Variants in GRIK5 observed in about 807,000 individuals in gnomAD.
The protein encoded by GRIK5 is glutamate receptor ionotropic, kainate 5.
GRIK5 carries 43 observed loss-of-function variants against 97.4 expected under a neutral mutation model. The ratio of observed to expected loss-of-function variants is 0.44; its 90% CI spans 0.35 to 0.57. The LOEUF is 0.57. Among genes scored for constraint, GRIK5 ranks in the 20% least tolerant of loss-of-function variants. The pLI, the probability that GRIK5 is intolerant of heterozygous loss-of-function variation, is 0.01. For synonymous variants in GRIK5, 580 were observed against 583.5 expected (o/e 0.99, Z 0.09); for missense variants, 1,015 against 1,382.0 (o/e 0.73, Z 4.21).
Position 42,022,693 on chromosome 19 carries a change from A to C in GRIK5, c.1474-339T>G, listed in dbSNP as rs1481908519. 1.0e-6 allele frequency: 1 copy of C among 983,230 alleles called. No individual in the cohort carries two copies. Among genetic ancestry groups the C allele is most frequent in the African/African-American group, 1.8e-5 (1 of 57,048 alleles). The allele number at this position is 983,230 out of a possible 1,614,324, so 60.9% of individuals were successfully genotyped here. ...TCTCCCTAGGGCCATAAAAGAGCCA[A>C]GGTCCTGAAGGGGCTGAGACTGACA... On this transcript the variant is annotated intron_variant, in intron 12 of 19. Transcript: ENST00000593562. The surrounding 1 kb of genome is among the most constrained non-coding windows in gnomAD (Gnocchi z 4.2).
At position 42,021,319 on chromosome 19, in the gene GRIK5, C is replaced by T. The variant is rs764844612; in HGVS notation, c.1853G>A (p.Arg618His). 6 of 1,612,762 alleles carry T rather than the reference C, an allele frequency of 3.7e-6. No individual in the cohort carries two copies. The highest frequency in any genetic ancestry group is 1.1e-5 in the South Asian group (1 of 90,976). ...TTCTCACCAGACTCCGCTGACACAGCGCGTGGACAGCGCCCGGGGCATGAT... is the reference window on the plus strand; with the variant it reads ...TTCTCACCAGACTCCGCTGACACAGTGCGTGGACAGCGCCCGGGGCATGAT... ...SEIMPRALST[R>H]CVSGVWWAFT... is the part of the protein sequence containing the mutation. The change falls in exon 15 of 20, where the codon CGC (arginine) becomes CAC (histidine). Residue 618 changes from arginine (R) to histidine (H), a missense_variant. Physicochemically the swap from Arg to His is conservative, Grantham distance 29 (BLOSUM62 0). Transcript: ENST00000593562. This position sits in a 1 kb window ranked among gnomAD's most constrained non-coding sequence, Gnocchi z 4.2.
At chr19:42,016,401 A>G (rs2146037735) in intron 15 of GRIK5, among the ~76,000 whole-genome samples, 1 of 152,344 alleles carries the variant, frequency 6.6e-6, no homozygotes, top group South Asian at 2.1e-4. Flanking sequence ...AGCCTGGGCA[A>G]CAAGAGCAAA....
intron 11 of GRIK5, among the ~76,000 whole-genome samples, chr19:42,052,970 T>C (rs2076136053): frequency 6.6e-6 from 1 of 152,140 alleles, no homozygotes; most frequent in Non-Finnish European, 1.5e-5. Context: ...GAATGACGCT[T>C]GGAAAGGGCC....
At chr19:42,045,624 C>A (rs1052448258) in intron 11 of GRIK5, among the ~76,000 whole-genome samples, 1 of 152,194 alleles carries the variant, frequency 6.6e-6, no homozygotes, top group Non-Finnish European at 1.5e-5. Context: ...CAGAGCCCTA[C>A]AGCTACAGGG....
chr19:42,002,390 G>T lies in GRIK5; in HGVS notation c.2514+942C>A. 1.4e-6 allele frequency: 1 copy of T among 717,656 alleles called. No individual in the cohort carries two copies. Among genetic ancestry groups the T allele is most frequent in the Non-Finnish European group, 2.6e-6 (1 of 385,104 alleles). The allele number at this position is 717,656 out of a possible 1,614,324, so 44.5% of individuals were successfully genotyped here. On this transcript the variant is annotated intron_variant, in intron 19 of 19. Transcript: ENST00000593562. This position sits in a 1 kb window ranked among gnomAD's most constrained non-coding sequence, Gnocchi z 5.2. ...CAATAAAGAGAGGACAACTGATGCT[G>T]CAGGAGGAAAGGACAGACTTGCCGG...
intron 12 of GRIK5, among the ~76,000 whole-genome samples, chr19:42,033,811 G>C (rs942232521): frequency 7.9e-5 from 12 of 152,238 alleles, no homozygotes; most frequent in Non-Finnish European, 7.4e-5. Context: ...GACCAGCATG[G>C]AAACAAGGCA....
chr19:42,054,463 C>T lies in GRIK5; in HGVS notation c.913G>A (p.Ala305Thr), dbSNP rs150541596. 9 of 1,612,768 alleles carry T rather than the reference C, an allele frequency of 5.6e-6. No homozygotes were observed. In the East Asian group the frequency reaches 1.1e-4, roughly 20 times the overall value. ...ACGTGCACGGCGTCAAACATCAGGG[C>T]GGCTGACAGCTGCGGTGGGACAGAG... ...STYLGPALSA[A>T]LMFDAVHVVV... is the part of the protein sequence containing the mutation. Residue 305 changes from alanine to threonine, a missense_variant, in exon 9 of 20, where the codon GCC becomes ACC. Physicochemically the swap from Ala to Thr is moderately conservative, Grantham distance 58. Coordinates refer to ENST00000593562, the MANE Select transcript of GRIK5 (RefSeq NM_002088.5).
intron 15 of GRIK5, among the ~76,000 whole-genome samples, chr19:42,011,021 G>A (rs1354053189): frequency 1.3e-5 from 2 of 151,692 alleles, no homozygotes; most frequent in Non-Finnish European, 2.9e-5. Context: ...TGGCCAGGCT[G>A]GTGTTGGACG....
At chr19:42,040,896 T>A (rs989105568) in intron 12 of GRIK5, among the ~76,000 whole-genome samples, 4 of 151,230 alleles carry the variant, frequency 2.6e-5, no homozygotes, top group Non-Finnish European at 5.9e-5. Context: ...ATAAATAAAA[T>A]AATAATAATA....
chr19:42,000,362 A>T lies in GRIK5; in HGVS notation c.2515-1063T>A, dbSNP rs2075414374. Among the ~76,000 whole-genome samples, 4 of 152,310 alleles carry T rather than the reference A, an allele frequency of 2.6e-5. 1 individual carries two copies. The South Asian group carries it at 8.3e-4, about 32-fold the overall frequency. ...ATGGCTGGACCAGAGCGACCTGAGA[A>T]AGGTCTGGATTCTGGATATATTCTG... On this transcript the variant is annotated intron_variant, in intron 19 of 19. Transcript: ENST00000593562.
Position 42,003,381 on chromosome 19 carries a change from G to A in GRIK5, c.2465C>T (p.Ala822Val), listed in dbSNP as rs982371304. 14 of 1,611,872 alleles carry A rather than the reference G, an allele frequency of 8.7e-6. No individual in the cohort carries two copies. Among genetic ancestry groups the A allele is most frequent in the South Asian group, 4.4e-5 (4 of 90,978 alleles). ...ICGLIIAVFVAVMEFIWSTRR... is the reference protein window; with the variant it reads ...ICGLIIAVFVVVMEFIWSTRR... ...TGTGGACCATATGAATTCCATGACC[G>A]CCACGAAGACAGCAATGATGAGGCC... is the stretch of plus-strand genomic sequence containing the variant. The change falls in exon 19 of 20, where the codon GCG becomes GTG. Residue 822 changes from alanine to valine, a missense_variant. Transcript: ENST00000593562. The surrounding 1 kb of genome is among the most constrained non-coding windows in gnomAD (Gnocchi z 4.2).
At chr19:42,045,639 G>A (rs1568916199) in intron 11 of GRIK5, among the ~76,000 whole-genome samples, 1 of 152,222 alleles carries the variant, frequency 6.6e-6, no homozygotes, top group Non-Finnish European at 1.5e-5. Flanking sequence ...ACAGGGTGAT[G>A]GAATGGAGGG....
intron 11 of GRIK5, among the ~76,000 whole-genome samples, chr19:42,049,923 T>C (rs1252569112): frequency 6.6e-6 from 1 of 151,920 alleles, no homozygotes; most frequent in Non-Finnish European, 1.5e-5. Context: ...CTATGAATAT[T>C]TTATTTACGT....
chr19:42,013,008 CA>C (rs889245073), intron 15 of GRIK5, among the ~76,000 whole-genome samples: 8 of 152,042 alleles, frequency 5.3e-5, no homozygotes, highest in Non-Finnish European at 5.9e-5. Flanking sequence ...TTCTATACTA[CA>C]ATGGAAGATT....
At chr19:42,011,151 T>C (rs1352904561) in intron 15 of GRIK5, among the ~76,000 whole-genome samples, 1 of 151,252 alleles carries the variant, frequency 6.6e-6, no homozygotes, top group African/African-American at 2.4e-5. Flanking sequence ...ACCCCTAATG[T>C]ATTGTGGGGT....
At chr19:42,027,905 C>T (rs2075791587) in intron 12 of GRIK5, among the ~76,000 whole-genome samples, 1 of 152,204 alleles carries the variant, frequency 6.6e-6, no homozygotes, top group African/African-American at 2.4e-5. Context: ...AAATGGCTCA[C>T]TGCAGCCTCA....
intron 12 of GRIK5, among the ~76,000 whole-genome samples, chr19:42,039,014 C>G (rs759711419): frequency 3.9e-5 from 6 of 152,172 alleles, no homozygotes; most frequent in African/African-American, 9.7e-5. Context: ...CATCCCCCAC[C>G]CTAGGCAGTC....
At position 42,021,486 on chromosome 19, in the gene GRIK5, C is replaced by A; in HGVS notation, c.1698-12G>T. 6.6e-7 allele frequency: 1 copy of A among 1,523,932 alleles called. No individual in the cohort carries two copies. Among genetic ancestry groups the A allele is most frequent in the Middle Eastern group, 1.8e-4 (1 of 5,628 alleles). 94.4% of individuals were successfully genotyped at this position (1,523,932 alleles called of 1,614,324 possible). ...CATAGGGGCTCAGCCTGTGGAGAGA[C>A]GTGCAGCGTGTGGATGGGGCCCAGA... On this transcript the variant is annotated splice_polypyrimidine_tract_variant and intron_variant, in intron 14 of 19. Transcript: ENST00000593562. The surrounding 1 kb of genome is among the most constrained non-coding windows in gnomAD (Gnocchi z 4.2).
Position 42,062,038 on chromosome 19 carries a change from T to G in GRIK5, c.508+450A>C, listed in dbSNP as rs188353842. Among the ~76,000 whole-genome samples, 20 of 152,278 alleles carry G rather than the reference T, an allele frequency of 1.3e-4. No homozygotes were observed. The highest frequency in any genetic ancestry group is 1.2e-3 in the Admixed American group (18 of 15,294). On this transcript the variant is annotated intron_variant, in intron 5 of 19. Transcript: ENST00000593562. The surrounding 1 kb of genome is among the most constrained non-coding windows in gnomAD (Gnocchi z 5.3). ...TACTTAGAACCTGTTCCCTCTTTCT[T>G]CCCACACCCTTCAGGTTCAGCTTGG...
Sources: gnomAD v4.1 joint callset for allele counts (sites outside exome capture counted in the v4.1 genomes callset) on GRCh38, gnomAD v4.1.1 for gene constraint, Gnocchi (gnomAD v3.1) non-coding constraint, MANE v1.5 for transcripts, NCBI Gene and HGNC (gene_info 2026-07-23, HGNC 2026-07-21) for gene names.